Variants in CADPS observed in about 807,000 individuals in gnomAD.
The protein encoded by CADPS is calcium-dependent secretion activator 1.
Under a neutral mutation model 167.3 loss-of-function variants are expected in CADPS, and 57 were observed. The ratio of observed to expected loss-of-function variants is 0.34; its 90% CI spans 0.28 to 0.42. The LOEUF is 0.42. Ranked by LOEUF, CADPS falls within the 20% of genes least tolerant of loss-of-function variation. CADPS has a pLI of 1.00. For missense variants in CADPS, 1,414 were observed against 1,738.1 expected, an observed-to-expected ratio of 0.81 and a Z score of 3.32; for synonymous variants, 676 against 635.3, an observed-to-expected ratio of 1.06 and a Z score of -0.96.
intron 8 of CADPS, among the ~76,000 whole-genome samples, chr3:62,577,538 C>A (rs984208782): frequency 6.6e-6 from 1 of 152,060 alleles, no homozygotes; most frequent in South Asian, 2.1e-4. Flanking sequence ...AGCAGCCCAG[C>A]AAGAAGAAGC....
At chr3:62,725,577 C>A (rs950393747) in intron 3 of CADPS, among the ~76,000 whole-genome samples, 1 of 149,448 alleles carries the variant, frequency 6.7e-6, no homozygotes, top group Non-Finnish European at 1.5e-5. Context: ...GATAATAGCA[C>A]CCACCTCATG....
At chr3:62,593,008 A>T (rs1288101379) in intron 6 of CADPS, among the ~76,000 whole-genome samples, 1 of 152,210 alleles carries the variant, frequency 6.6e-6, no homozygotes, top group East Asian at 1.9e-4. Context: ...GCATAAACTC[A>T]TGTTGGTGAG....
chr3:62,518,194 T>C lies in CADPS; in HGVS notation c.2348A>G (p.Lys783Arg), dbSNP rs746355673. ...TTCTAGCAGAACTCGGAGCCTCTCT[T>C]TGATTTCTTCAAAACGTTCCTTTTC... ...VEEKERFEEI[K>R]ERLRVLLENQ... The change falls in exon 14 of 30, where the codon AAA (lysine) becomes AGA (arginine). Residue 783 changes from lysine (K) to arginine (R), a missense_variant. Transcript: ENST00000383710. 6.2e-7 allele frequency: 1 copy of C among 1,613,012 alleles called. No individual in the cohort carries two copies. Among genetic ancestry groups the C allele is most frequent in the Non-Finnish European group, 8.5e-7 (1 of 1,179,528 alleles).
chr3:62,472,879 G>A (rs1256481415), intron 24 of CADPS, among the ~76,000 whole-genome samples: 1 of 152,184 alleles, frequency 6.6e-6, no homozygotes, highest in Non-Finnish European at 1.5e-5. Context: ...CCTGAAGTCA[G>A]GTTTACATAC....
At chr3:62,863,802 A>G (rs185695032) in intron 1 of CADPS, among the ~76,000 whole-genome samples, 3 of 152,346 alleles carry the variant, frequency 2.0e-5, no homozygotes, top group Admixed American at 6.5e-5. Flanking sequence ...ACAATAAAAG[A>G]TTTTAAGATG....
chr3:62,707,370 C>T (rs758899074), intron 3 of CADPS, among the ~76,000 whole-genome samples: 5 of 152,064 alleles, frequency 3.3e-5, no homozygotes, highest in Non-Finnish European at 7.4e-5. Context: ...AAAACCAGTC[C>T]GTGATCCCAA....
chr3:62,509,587 G>A (rs955516805), intron 17 of CADPS, among the ~76,000 whole-genome samples: 8 of 152,088 alleles, frequency 5.3e-5, no homozygotes, highest in African/African-American at 1.9e-4. Context: ...AATCTTCCTG[G>A]AAGTCCTTTG....
At chr3:62,860,681 C>A (rs2080621669) in intron 1 of CADPS, among the ~76,000 whole-genome samples, 1 of 152,168 alleles carries the variant, frequency 6.6e-6, no homozygotes, top group Non-Finnish European at 1.5e-5. Flanking sequence ...AGATCCAAAT[C>A]TTACCACCTC....
At chr3:62,643,955 T>C (rs1351502351) in intron 6 of CADPS, among the ~76,000 whole-genome samples, 1 of 152,178 alleles carries the variant, frequency 6.6e-6, no homozygotes, top group Non-Finnish European at 1.5e-5. Context: ...GTTTGAAACT[T>C]GGTTGTAAAA....
chr3:62,540,911 G>A, intron 11 of CADPS, among the ~76,000 whole-genome samples: 1 of 152,160 alleles, frequency 6.6e-6, no homozygotes, highest in East Asian at 1.9e-4. Flanking sequence ...CATTAGCAGA[G>A]GGAAAACAGC....
At chr3:62,738,887 A>G (rs752275783) in intron 3 of CADPS, among the ~76,000 whole-genome samples, 1 of 152,250 alleles carries the variant, frequency 6.6e-6, no homozygotes, top group Non-Finnish European at 1.5e-5. Context: ...TACTAAAATA[A>G]ATTGGTAAAA....
chr3:62,401,819 A>G (rs917219788), intron 29 of CADPS, among the ~76,000 whole-genome samples: 1 of 151,908 alleles, frequency 6.6e-6, no homozygotes, highest in Non-Finnish European at 1.5e-5. Context: ...GTTAATTTCC[A>G]ACACCAATCT....
rs933447300 is a variant in CADPS, at chr3:62,862,887, G to A, written c.441+11702C>T. 9.2e-5 allele frequency among the ~76,000 whole-genome samples: 14 copies of A among 152,322 alleles called. 1 individual carries two copies. The highest frequency in any genetic ancestry group is 8.3e-4 in the South Asian group (4 of 4,828). ...GGTGCTCTGTAGCCCATTCCAACCA[G>A]TGGGACTTCTCTGGACCTAACTTTT... On this transcript the variant is annotated intron_variant, in intron 1 of 29. Coordinates refer to ENST00000383710, the MANE Select transcript of CADPS (RefSeq NM_003716.4).
intron 3 of CADPS, among the ~76,000 whole-genome samples, chr3:62,721,362 A>C (rs1474120567): frequency 6.6e-6 from 1 of 151,976 alleles, no homozygotes; most frequent in African/African-American, 2.4e-5. Flanking sequence ...TTTACTCAGG[A>C]GCAGATTTTA....
chr3:62,685,510 G>A (rs529532420), intron 3 of CADPS, among the ~76,000 whole-genome samples: 79 of 152,098 alleles, frequency 5.2e-4, no homozygotes, highest in Admixed American at 7.9e-4. Context: ...TTAATAAACT[G>A]AAGTCCAGAA....
At chr3:62,725,699 A>G (rs1658789) in intron 3 of CADPS, among the ~76,000 whole-genome samples, 85,732 of 151,684 alleles carry the variant, frequency 0.57, 26,545 homozygotes, top group African/African-American at 0.82. Flanking sequence ...TTCATACTAT[A>G]TGGGAAGCTC....
At position 62,562,821 on chromosome 3, in the gene CADPS, A is replaced by G. The variant is rs141489245; in HGVS notation, c.1645-5308T>C. ...CTTGGCCCATGCCTGGCCAATCAAC[A>G]TAGTATCTCCTTGGTTGCAGTGACT... On this transcript the variant is annotated intron_variant, in intron 9 of 29. Transcript: ENST00000383710. 3.6e-3 allele frequency among the ~76,000 whole-genome samples: 542 copies of G among 152,354 alleles called. 3 individuals are homozygous for G. The highest frequency in any genetic ancestry group is 0.012 in the African/African-American group (511 of 41,578).
chr3:62,763,425 C>T (rs2086047192), intron 2 of CADPS, among the ~76,000 whole-genome samples: 1 of 152,190 alleles, frequency 6.6e-6, no homozygotes, highest in Non-Finnish European at 1.5e-5. Context: ...ACTTTGGAGC[C>T]TCTGGATCCA....
chr3:62,797,205 C>G lies in CADPS; in HGVS notation c.442-31221G>C, dbSNP rs139696207. On this transcript the variant is annotated intron_variant, in intron 1 of 29. Coordinates refer to ENST00000383710, the MANE Select transcript of CADPS (RefSeq NM_003716.4). ...CTCAGGGAGTGTCCATGAAATAGCC[C>G]TTTAACCCCATTCTTTTCTTGAGGA... is the stretch of plus-strand genomic sequence containing the variant. Among the ~76,000 whole-genome samples, 466 of 152,062 alleles carry G rather than the reference C, an allele frequency of 3.1e-3. 4 individuals are homozygous for G. Among genetic ancestry groups the G allele is most frequent in the African/African-American group, 0.011 (443 of 41,484 alleles).
Sources: allele counts gnomAD v4.1 joint callset (sites outside exome capture counted in the v4.1 genomes callset), GRCh38; gene constraint gnomAD v4.1.1; transcripts MANE v1.5; gene names NCBI Gene and HGNC (gene_info 2026-07-23, HGNC 2026-07-21).